EFNA5: variants seen among roughly 807,000 people sequenced by gnomAD.
EFNA5 encodes ephrin-A5.
EFNA5 carries 5 observed loss-of-function variants against 22.9 expected under a neutral mutation model. The ratio of observed to expected loss-of-function variants is 0.22; its 90% CI spans 0.11 to 0.46. The LOEUF (loss-of-function observed/expected upper bound fraction) is 0.46, where lower values mean the gene tolerates loss of function less well. EFNA5 is among the 20% of genes least tolerant of loss of function. The pLI is 0.99. For missense variants in EFNA5, 237 were observed against 293.3 expected (o/e 0.81, Z 1.40); for synonymous variants, 113 against 112.2 (o/e 1.01, Z -0.04).
intron 1 of EFNA5, among the ~76,000 whole-genome samples, chr5:107,603,751 G>C (rs1157600419): frequency 6.6e-6 from 1 of 152,184 alleles, no homozygotes; most frequent in Non-Finnish European, 1.5e-5. Flanking sequence ...TAACCGTGAG[G>C]AGCTGTGACT....
At chr5:107,495,717 GA>G (rs1580494204) in intron 1 of EFNA5, among the ~76,000 whole-genome samples, 1 of 152,050 alleles carries the variant, frequency 6.6e-6, no homozygotes, top group East Asian at 1.9e-4. Context: ...AAAAAAGGAG[GA>G]AAAAAACAAA....
At chr5:107,457,751 C>T (rs1243214428) in intron 1 of EFNA5, among the ~76,000 whole-genome samples, 1 of 152,130 alleles carries the variant, frequency 6.6e-6, no homozygotes, top group African/African-American at 2.4e-5. Flanking sequence ...TGGGAATGCT[C>T]TGTACTATCT....
chr5:107,485,534 G>C (rs570276036), intron 1 of EFNA5, among the ~76,000 whole-genome samples: 1 of 152,296 alleles, frequency 6.6e-6, no homozygotes, highest in Non-Finnish European at 1.5e-5. Flanking sequence ...TGGTCCTTGA[G>C]AAAGAGTGAA....
chr5:107,430,113 T>G (rs1748909302), intron 1 of EFNA5, among the ~76,000 whole-genome samples: 1 of 152,218 alleles, frequency 6.6e-6, no homozygotes, highest in East Asian at 1.9e-4. Context: ...GACCACGAGT[T>G]TACTTTTTCT....
chr5:107,640,600 G>GT (rs1037265260), intron 1 of EFNA5, among the ~76,000 whole-genome samples: 3 of 152,162 alleles, frequency 2.0e-5, no homozygotes, highest in African/African-American at 7.2e-5. Context: ...AAAGTGACCA[G>GT]TAACAAGAAC....
chr5:107,613,545 G>A (rs995377843), intron 1 of EFNA5, among the ~76,000 whole-genome samples: 1 of 152,008 alleles, frequency 6.6e-6, no homozygotes, highest in Non-Finnish European at 1.5e-5. Context: ...TGCTTCTAGA[G>A]TGAAATAAAT....
chr5:107,493,133 G>A (rs1746862331), intron 1 of EFNA5, among the ~76,000 whole-genome samples: 1 of 150,744 alleles, frequency 6.6e-6, no homozygotes, highest in Non-Finnish European at 1.5e-5. Flanking sequence ...TATCCTATTT[G>A]TTACATAATG....
At position 107,605,079 on chromosome 5, in the gene EFNA5, G is replaced by A. The variant is rs184579648; in HGVS notation, c.125+65410C>T. ...AAAGGGCAGCAAGAAAAGGGCCAGT[G>A]GTTCCACTGGGAGGAAAGCCATGTG... On this transcript the variant is annotated intron_variant, in intron 1 of 4. Transcript: ENST00000333274. 9.2e-5 allele frequency among the ~76,000 whole-genome samples: 14 copies of A among 151,646 alleles called. No individual in the cohort carries two copies. In the East Asian group the frequency reaches 2.7e-3, roughly 29 times the overall value.
At chr5:107,591,918 A>ATATATAT (rs1749347670) in intron 1 of EFNA5, among the ~76,000 whole-genome samples, 7 of 6,818 alleles carry the variant, frequency 1.0e-3, no homozygotes, top group African/African-American at 5.9e-3. Context: ...TATAAAAAAT[A>ATATATAT]TATATATAAT....
chr5:107,570,650 T>C (rs367559796), intron 1 of EFNA5, among the ~76,000 whole-genome samples: 1 of 52,232 alleles, frequency 1.9e-5, no homozygotes, highest in South Asian at 6.1e-4. Flanking sequence ...AGTGTGTGTG[T>C]GGGGGTGGGG....
At chr5:107,636,074 C>G (rs1750367259) in intron 1 of EFNA5, among the ~76,000 whole-genome samples, 2 of 152,142 alleles carry the variant, frequency 1.3e-5, no homozygotes, top group African/African-American at 4.8e-5. Flanking sequence ...ATAACTGATG[C>G]TGAAATCAGA....
intron 1 of EFNA5, among the ~76,000 whole-genome samples, chr5:107,446,253 AAAGT>A (rs1174549243): frequency 6.6e-6 from 1 of 152,228 alleles, no homozygotes; most frequent in African/African-American, 2.4e-5. Context: ...GTATTAAAAC[AAAGT>A]AAGAGGAATA....
At chr5:107,526,840 A>C (rs1747705782) in intron 1 of EFNA5, among the ~76,000 whole-genome samples, 1 of 152,242 alleles carries the variant, frequency 6.6e-6, no homozygotes, top group Non-Finnish European at 1.5e-5. Flanking sequence ...GTAATAAAAT[A>C]GCTTACAATG....
intron 1 of EFNA5, among the ~76,000 whole-genome samples, chr5:107,500,286 G>A (rs1284203917): frequency 1.3e-5 from 2 of 152,226 alleles, no homozygotes; most frequent in Non-Finnish European, 2.9e-5. Context: ...GTGGTCTGTA[G>A]GGCACGAAGG....
intron 1 of EFNA5, among the ~76,000 whole-genome samples, chr5:107,658,008 G>C (rs1055857663): frequency 6.6e-6 from 1 of 152,070 alleles, no homozygotes; most frequent in Admixed American, 6.6e-5. Context: ...ATATTACCTA[G>C]ACTCTACAGG....
chr5:107,663,722 C>T (rs1561463879), intron 1 of EFNA5, among the ~76,000 whole-genome samples: 1 of 152,156 alleles, frequency 6.6e-6, no homozygotes, highest in South Asian at 2.1e-4. Context: ...ACTTTGCTGA[C>T]CCTCCCTAAA....
chr5:107,645,727 T>G (rs1424620518), intron 1 of EFNA5, among the ~76,000 whole-genome samples: 1 of 152,220 alleles, frequency 6.6e-6, no homozygotes, highest in African/African-American at 2.4e-5. Flanking sequence ...TTAGGCATGT[T>G]TAAAGATGCA....
intron 1 of EFNA5, among the ~76,000 whole-genome samples, chr5:107,652,106 A>G (rs921934773): frequency 3.3e-5 from 5 of 152,174 alleles, no homozygotes; most frequent in African/African-American, 4.8e-5. Flanking sequence ...TAAAAAGTCA[A>G]AAACAAAAAT....
At chr5:107,530,833 G>T (rs1402098663) in intron 1 of EFNA5, among the ~76,000 whole-genome samples, 1 of 152,168 alleles carries the variant, frequency 6.6e-6, no homozygotes, top group Non-Finnish European at 1.5e-5. Context: ...GTTTCATGCT[G>T]TGACTGGCAT....
Sources: allele counts gnomAD v4.1 joint callset (sites outside exome capture counted in the v4.1 genomes callset), GRCh38; gene constraint gnomAD v4.1.1; transcripts MANE v1.5; gene names NCBI Gene and HGNC (gene_info 2026-07-23, HGNC 2026-07-21).